PPP2R3A: variants seen among roughly 807,000 people sequenced by gnomAD.
PPP2R3A encodes protein phosphatase 2 regulatory subunit B''alpha.
In PPP2R3A, 80 loss-of-function variants were observed where a neutral mutation model predicts 106.9. The observed-to-expected ratio is 0.75, with a 90% CI of 0.62 to 0.90. The LOEUF (loss-of-function observed/expected upper bound fraction) is 0.90. Among genes scored for constraint, PPP2R3A ranks in the 40% least tolerant of loss-of-function variants. The probability of loss-of-function intolerance (pLI) is 0.00; values close to 1 mark genes in which losing one functional copy is unlikely to be tolerated. For missense variants in PPP2R3A, 1,386 were observed against 1,350.4 expected, an observed-to-expected ratio of 1.03 and a Z score of -0.41; for synonymous variants, 483 against 468.3, an observed-to-expected ratio of 1.03 and a Z score of -0.41.
chr3:136,086,075 G>A (rs979368992), intron 8 of PPP2R3A, among the ~76,000 whole-genome samples: 1 of 151,946 alleles, frequency 6.6e-6, no homozygotes, highest in African/African-American at 2.4e-5. Flanking sequence ...AGGATGCAGT[G>A]AGCCATGATG....
At chr3:136,129,751 C>T (rs891514135) in intron 13 of PPP2R3A, among the ~76,000 whole-genome samples, 7 of 152,226 alleles carry the variant, frequency 4.6e-5, no homozygotes, top group African/African-American at 1.4e-4. Context: ...TGATGAACAT[C>T]GATGCAAAAA....
intron 1 of PPP2R3A, among the ~76,000 whole-genome samples, chr3:136,000,694 A>G (rs1933589673): frequency 6.6e-6 from 1 of 152,148 alleles, no homozygotes; most frequent in Non-Finnish European, 1.5e-5. Flanking sequence ...AGGGACTTAA[A>G]AGTGAGTCAA....
intron 3 of PPP2R3A, among the ~76,000 whole-genome samples, chr3:136,039,162 A>G (rs887917768): frequency 6.6e-6 from 1 of 152,204 alleles, no homozygotes; most frequent in African/African-American, 2.4e-5. Flanking sequence ...CACCAGGAGC[A>G]GCTTCACCTA....
intron 2 of PPP2R3A, among the ~76,000 whole-genome samples, chr3:136,020,730 C>G (rs1934436577): frequency 6.6e-6 from 1 of 152,064 alleles, no homozygotes; most frequent in African/African-American, 2.4e-5. Flanking sequence ...CACAACCCAA[C>G]TACTAAGGTA....
intron 4 of PPP2R3A, among the ~76,000 whole-genome samples, chr3:136,045,278 A>G (rs1935433683): frequency 6.6e-6 from 1 of 152,202 alleles, no homozygotes; most frequent in Non-Finnish European, 1.5e-5. Context: ...TGGCTCACCC[A>G]GCACAGCTGG....
chr3:136,101,948 ATC>A (rs1937370667), intron 10 of PPP2R3A, 57 bp from the exon 11 acceptor site: 4 of 1,503,252 alleles, frequency 2.7e-6, no homozygotes, highest in Non-Finnish European at 3.6e-6. Context: ...AACATACTAA[ATC>A]TGGATAAATA....
At chr3:136,124,767 A>C (rs1938122961) in intron 13 of PPP2R3A, among the ~76,000 whole-genome samples, 1 of 152,082 alleles carries the variant, frequency 6.6e-6, no homozygotes, top group Non-Finnish European at 1.5e-5. Context: ...CTAAACCAAC[A>C]AAAAAAGAGA....
chr3:136,002,881 C>T lies in PPP2R3A; in HGVS notation c.1383C>T (p.Cys461=), dbSNP rs879205397. ...FPEHATHLKK[C]PTPMQNEIGK... ...AACATGCTACTCATCTTAAAAAATG[C>T]CCCACCCCAATGCAAAATGAAATTG... Residue 461 remains cysteine, a synonymous_variant, in exon 2 of 14, where the codon TGC becomes TGT. Transcript: ENST00000264977. 1.2e-6 allele frequency: 2 copies of T among 1,613,416 alleles called. No individual in the cohort carries two copies. Among genetic ancestry groups the T allele is most frequent in the Non-Finnish European group, 1.7e-6 (2 of 1,179,786 alleles).
At chr3:136,110,272 C>A (rs1937574636) in intron 13 of PPP2R3A, among the ~76,000 whole-genome samples, 1 of 152,034 alleles carries the variant, frequency 6.6e-6, no homozygotes, top group South Asian at 2.1e-4. Flanking sequence ...AGAACTTATA[C>A]CCTTGGAAGG....
chr3:136,084,545 GC>G, intron 8 of PPP2R3A, among the ~76,000 whole-genome samples: 1 of 152,220 alleles, frequency 6.6e-6, no homozygotes, highest in East Asian at 1.9e-4. Context: ...CTGGGACACT[GC>G]CTAGTGGAGC....
chr3:136,072,026 A>C (rs979688121), intron 6 of PPP2R3A, among the ~76,000 whole-genome samples: 2 of 151,514 alleles, frequency 1.3e-5, no homozygotes, highest in Non-Finnish European at 2.9e-5. Context: ...CCTACACTCT[A>C]TTCCTTTGTC....
Position 136,001,637 on chromosome 3 carries a change from G to T in PPP2R3A, c.139G>T (p.Val47Leu), listed in dbSNP as rs200631478. Reference protein sequence around the residue: ...TFTHGIDCIVVHHSVCADLLH... With the variant: ...TFTHGIDCIVLHHSVCADLLH... ...CACACATGGAATTGACTGCATTGTG[G>T]TACACCATAGTGTTTGTGCAGACCT... The change falls in exon 2 of 14, where the codon GTA becomes TTA. Residue 47 changes from valine (V) to leucine (L), a missense_variant. Coordinates refer to ENST00000264977, the MANE Select transcript of PPP2R3A (RefSeq NM_002718.5). 2 of 1,614,144 alleles carry T rather than the reference G, an allele frequency of 1.2e-6. No homozygotes were observed. The highest frequency in any genetic ancestry group is 8.5e-7 in the Non-Finnish European group (1 of 1,180,024).
chr3:136,088,382 G>A (rs1165248224), intron 9 of PPP2R3A, among the ~76,000 whole-genome samples: 1 of 152,220 alleles, frequency 6.6e-6, no homozygotes, highest in Non-Finnish European at 1.5e-5. Flanking sequence ...AATTCGCTTA[G>A]GATGATGGCC....
intron 2 of PPP2R3A, among the ~76,000 whole-genome samples, chr3:136,019,295 A>G (rs955081007): frequency 2.0e-5 from 3 of 152,204 alleles, no homozygotes; most frequent in African/African-American, 7.2e-5. Flanking sequence ...GGCTCTTTCC[A>G]TTGTAACTGC....
intron 7 of PPP2R3A, among the ~76,000 whole-genome samples, chr3:136,080,183 T>A (rs1449330858): frequency 7.2e-5 from 11 of 152,224 alleles, no homozygotes; most frequent in Non-Finnish European, 4.4e-5. Flanking sequence ...GTCTCAGGGT[T>A]TTTTTCATTT....
At chr3:136,103,460 T>G in intron 12 of PPP2R3A, 84 bp downstream of exon 12, 1 of 941,912 alleles carries the variant, frequency 1.1e-6, no homozygotes, top group Non-Finnish European at 1.6e-6. Flanking sequence ...CTCTGCATGC[T>G]GGAATTTCGG....
chr3:136,103,923 C>T (rs1451685334), intron 12 of PPP2R3A, among the ~76,000 whole-genome samples: 1 of 152,182 alleles, frequency 6.6e-6, no homozygotes, highest in Non-Finnish European at 1.5e-5. Flanking sequence ...CTTCCCCAGA[C>T]ACACAAACCT....
intron 3 of PPP2R3A, among the ~76,000 whole-genome samples, chr3:136,038,366 A>G (rs1935153862): frequency 6.6e-6 from 1 of 152,158 alleles, no homozygotes; most frequent in East Asian, 1.9e-4. Context: ...AAGTTTATTA[A>G]TCTTCAGAGA....
At chr3:136,071,342 C>T (rs1399345451) in intron 6 of PPP2R3A, among the ~76,000 whole-genome samples, 1 of 152,248 alleles carries the variant, frequency 6.6e-6, no homozygotes, top group African/African-American at 2.4e-5. Flanking sequence ...TTACAAAATA[C>T]TACTGTTTTC....
Sources: gnomAD v4.1 joint callset for allele counts (sites outside exome capture counted in the v4.1 genomes callset) on GRCh38, gnomAD v4.1.1 for gene constraint, MANE v1.5 for transcripts, NCBI Gene and HGNC (gene_info 2026-07-23, HGNC 2026-07-21) for gene names.